PIK3CB: variants seen among roughly 807,000 people sequenced by gnomAD.
PIK3CB encodes phosphatidylinositol 4,5-bisphosphate 3-kinase catalytic subunit beta isoform.
In PIK3CB, 39 loss-of-function variants were observed where a neutral mutation model predicts 136.8. The observed-to-expected ratio is 0.29, with a 90% CI of 0.22 to 0.37. The LOEUF (loss-of-function observed/expected upper bound fraction) is 0.37, where lower values mean the gene tolerates loss of function less well. PIK3CB is among the 10% of genes least tolerant of loss of function. The probability of loss-of-function intolerance (pLI) is 1.00; values close to 1 mark genes in which losing one functional copy is unlikely to be tolerated. For synonymous variants in PIK3CB, 428 were observed against 436.6 expected (o/e 0.98, Z 0.25); for missense variants, 868 against 1,275.4 (o/e 0.68, Z 4.87).
chr3:138,702,323 C>T (rs1432804155), intron 12 of PIK3CB, among the ~76,000 whole-genome samples: 1 of 151,430 alleles, frequency 6.6e-6, no homozygotes, highest in Non-Finnish European at 1.5e-5. Context: ...AATCCTCCTA[C>T]CTTGGCCTCT....
chr3:138,791,692 TCAAA>T (rs1223261065), intron 2 of PIK3CB, among the ~76,000 whole-genome samples: 1 of 152,186 alleles, frequency 6.6e-6, no homozygotes, highest in Admixed American at 6.5e-5. Context: ...ACATCCAGCT[TCAAA>T]CACTTTGTAT....
intron 1 of PIK3CB, among the ~76,000 whole-genome samples, chr3:138,826,499 G>GTTTTTTTTTT (rs34843148): frequency 1.0e-5 from 1 of 95,934 alleles, no homozygotes; most frequent in Non-Finnish European, 2.0e-5. Context: ...GACCATTTGG[G>GTTTTTTTTTT]TTTTTTTTTT....
At chr3:138,695,055 A>C in intron 13 of PIK3CB, 148 bp from the exon 14 acceptor site, 2 of 608,274 alleles carry the variant, frequency 3.3e-6, no homozygotes, top group South Asian at 6.0e-5. Flanking sequence ...CTGTTAATAG[A>C]GACTAATAAA....
intron 1 of PIK3CB, among the ~76,000 whole-genome samples, chr3:138,799,149 A>C (rs2046141849): frequency 1.3e-5 from 2 of 151,354 alleles, no homozygotes; most frequent in South Asian, 2.1e-4. Flanking sequence ...AACACCCTCC[A>C]AATCTGTCTC....
In PIK3CB at chr3:138,756,368, A is replaced by G. The variant is rs557691268; in HGVS notation, c.172-389T>C. On this transcript the variant is annotated intron_variant, in intron 3 of 23. Transcript: ENST00000674063. ...AATTATCTATGACAAGTAAGACTCAATGAAAACTTTCATATTTCACTTTCC... is the reference window on the plus strand; with the variant it reads ...AATTATCTATGACAAGTAAGACTCAGTGAAAACTTTCATATTTCACTTTCC... 2.0e-5 allele frequency among the ~76,000 whole-genome samples: 3 copies of G among 152,312 alleles called. No individual in the cohort carries two copies. The South Asian group carries it at 6.2e-4, about 32-fold the overall frequency.
At chr3:138,792,536 G>C (rs376896526) in intron 2 of PIK3CB, among the ~76,000 whole-genome samples, 3 of 152,094 alleles carry the variant, frequency 2.0e-5, no homozygotes, top group East Asian at 3.8e-4. Flanking sequence ...ACCATGCCTG[G>C]CTAATTACAA....
At chr3:138,810,649 T>G (rs1932990609) in intron 1 of PIK3CB, among the ~76,000 whole-genome samples, 1 of 152,086 alleles carries the variant, frequency 6.6e-6, no homozygotes, top group Non-Finnish European at 1.5e-5. Context: ...CCGGGCATGG[T>G]GGCTCACGCC....
chr3:138,673,123 T>C (rs931238337), intron 19 of PIK3CB, among the ~76,000 whole-genome samples: 1 of 151,982 alleles, frequency 6.6e-6, no homozygotes, highest in Non-Finnish European at 1.5e-5. Context: ...GTAAAACTGT[T>C]ATAATGATAA....
At chr3:138,658,346 G>A (rs550610009) in intron 21 of PIK3CB, among the ~76,000 whole-genome samples, 1 of 151,992 alleles carries the variant, frequency 6.6e-6, no homozygotes, top group Non-Finnish European at 1.5e-5. Context: ...GCTACTCAGG[G>A]GGGTGAGGTG....
At chr3:138,669,426 A>G (rs7642334) in intron 19 of PIK3CB, among the ~76,000 whole-genome samples, 4,223 of 61,898 alleles carry the variant, frequency 0.068, 165 homozygotes, top group African/African-American at 0.19. Flanking sequence ...AAAAAAAAAA[A>G]GGGGGGGGGG....
At chr3:138,833,139 T>C (rs1400222864) in intron 1 of PIK3CB, among the ~76,000 whole-genome samples, 2 of 144,602 alleles carry the variant, frequency 1.4e-5, no homozygotes, top group Admixed American at 1.4e-4. Context: ...CCATCTCGGC[T>C]CACTGCAACC....
chr3:138,743,105 T>C (rs931062311), intron 4 of PIK3CB, among the ~76,000 whole-genome samples: 3 of 152,016 alleles, frequency 2.0e-5, no homozygotes, highest in Admixed American at 6.6e-5. Flanking sequence ...AGATTCATTG[T>C]TTTTATTTAC....
chr3:138,751,244 G>A (rs2045466005), intron 4 of PIK3CB, among the ~76,000 whole-genome samples: 1 of 152,026 alleles, frequency 6.6e-6, no homozygotes, highest in African/African-American at 2.4e-5. Flanking sequence ...GGATCACGAG[G>A]TCAGGAGATT....
chr3:138,819,289 G>A (rs1933459541), intron 1 of PIK3CB, among the ~76,000 whole-genome samples: 1 of 151,780 alleles, frequency 6.6e-6, no homozygotes, highest in Non-Finnish European at 1.5e-5. Context: ...GGAGATGGCA[G>A]TTAGCCGAGA....
At chr3:138,751,615 A>G (rs1056624540) in intron 4 of PIK3CB, among the ~76,000 whole-genome samples, 18 of 152,096 alleles carry the variant, frequency 1.2e-4, no homozygotes, top group African/African-American at 4.3e-4. Context: ...AGTCAAATAT[A>G]ATTTTTATAT....
In PIK3CB at chr3:138,768,670, G is replaced by A. The variant is rs559726833; in HGVS notation, c.-16-9311C>T. The stretch of plus-strand genomic sequence containing the variant: ...CTGTAGGTACCGCCTACAGGTCAGC[G>A]CCAAGCTGCCCTCAGCCTCCCCTCA... On this transcript the variant is annotated intron_variant, in intron 2 of 23. Coordinates refer to ENST00000674063, the MANE Select transcript of PIK3CB (RefSeq NM_006219.3). Among the ~76,000 whole-genome samples the A allele has an allele frequency of 1.3e-4, 20 of 152,232 alleles. 1 individual carries two copies. In the South Asian group the frequency reaches 3.3e-3, roughly 25 times the overall value.
chr3:138,748,156 TACAC>T (rs3071146), intron 4 of PIK3CB, among the ~76,000 whole-genome samples: 63,929 of 142,678 alleles, frequency 0.45, 14,873 homozygotes, highest in East Asian at 0.78. Context: ...TTAGAAATCA[TACAC>T]ACACACACAC....
At chr3:138,770,781 G>A (rs544744630) in intron 2 of PIK3CB, among the ~76,000 whole-genome samples, 11 of 151,824 alleles carry the variant, frequency 7.2e-5, no homozygotes, top group Admixed American at 2.0e-4. Context: ...GTGCAATCTC[G>A]GCTCACTACA....
At chr3:138,817,110 G>C (rs573116090) in intron 1 of PIK3CB, among the ~76,000 whole-genome samples, 4 of 151,600 alleles carry the variant, frequency 2.6e-5, no homozygotes, top group African/African-American at 9.7e-5. Flanking sequence ...AGGCCGAGGC[G>C]GGCGGATCAC....
Sources: allele counts gnomAD v4.1 joint callset (sites outside exome capture counted in the v4.1 genomes callset), GRCh38; gene constraint gnomAD v4.1.1; transcripts MANE v1.5; gene names NCBI Gene and HGNC (gene_info 2026-07-23, HGNC 2026-07-21).